Variants in DPP6 observed in about 807,000 individuals in gnomAD.
DPP6 encodes A-type potassium channel modulatory protein DPP6.
Under a neutral mutation model 122.6 loss-of-function variants are expected in DPP6, and 69 were observed. The observed-to-expected ratio is 0.56, with a 90% CI of 0.46 to 0.69. DPP6 has a LOEUF of 0.69. Among genes scored for constraint, DPP6 ranks in the 30% least tolerant of loss-of-function variants. The pLI is 0.00. For missense variants in DPP6, 928 were observed against 1,116.9 expected, an observed-to-expected ratio of 0.83 and a Z score of 2.41; for synonymous variants, 418 against 433.1, an observed-to-expected ratio of 0.97 and a Z score of 0.43.
intron 6 of DPP6, among the ~76,000 whole-genome samples, chr7:154,667,465 C>T (rs551288913): frequency 3.3e-5 from 5 of 152,318 alleles, no homozygotes; most frequent in East Asian, 1.9e-4. Context: ...CAGTGGCTCA[C>T]GCCTGTAATT....
intron 6 of DPP6, among the ~76,000 whole-genome samples, chr7:154,659,854 C>A (rs1837501138): frequency 6.6e-6 from 1 of 152,194 alleles, no homozygotes; most frequent in East Asian, 1.9e-4. Context: ...AAACAATTAC[C>A]TCTTTGGACT....
At chr7:154,310,169 G>A in intron 1 of DPP6, among the ~76,000 whole-genome samples, 1 of 152,294 alleles carries the variant, frequency 6.6e-6, no homozygotes, top group Admixed American at 6.5e-5. Context: ...CACCAGAGTG[G>A]GTCCTTGAGC....
At chr7:153,888,705 C>CTTTTTTTTTTTTTTTTTTTTTTT (rs142238331) in intron 1 of DPP6, among the ~76,000 whole-genome samples, 1 of 77,002 alleles carries the variant, frequency 1.3e-5, no homozygotes, top group Non-Finnish European at 2.5e-5. Flanking sequence ...CTGGCTGGCA[C>CTTTTTTTTTTTTTTTTTTTTTTT]TTTTTTTTTT....
intron 4 of DPP6, among the ~76,000 whole-genome samples, chr7:154,562,834 T>G (rs542061166): frequency 1.3e-5 from 2 of 152,298 alleles, no homozygotes; most frequent in South Asian, 4.1e-4. Context: ...TACTTTTATA[T>G]GTACAAAGCA....
chr7:154,679,509 T>C (rs1839151152), intron 7 of DPP6, among the ~76,000 whole-genome samples: 1 of 152,132 alleles, frequency 6.6e-6, no homozygotes, highest in African/African-American at 2.4e-5. Context: ...CGTCGCCTCC[T>C]CCTACAAGTT....
the DPP6 span, among the ~76,000 whole-genome samples, chr7:153,824,705 A>G: frequency 6.6e-6 from 1 of 152,160 alleles, no homozygotes; most frequent in East Asian, 1.9e-4. Context: ...AAAAATAAAA[A>G]AAAAAAGATG....
chr7:154,378,975 C>A (rs1563572634), intron 1 of DPP6, among the ~76,000 whole-genome samples: 2 of 152,190 alleles, frequency 1.3e-5, no homozygotes, highest in African/African-American at 4.8e-5. Flanking sequence ...CCCACCAAGT[C>A]CCTCCCTCAA....
At chr7:154,578,878 C>A (rs938636609) in intron 5 of DPP6, among the ~76,000 whole-genome samples, 1 of 152,114 alleles carries the variant, frequency 6.6e-6, no homozygotes, top group Non-Finnish European at 1.5e-5. Context: ...AATGGCACTG[C>A]AATCTGCTGT....
intron 8 of DPP6, among the ~76,000 whole-genome samples, chr7:154,766,442 G>A (rs900997121): frequency 2.6e-5 from 4 of 152,162 alleles, no homozygotes; most frequent in African/African-American, 7.2e-5. Flanking sequence ...AGCCTCCCGA[G>A]TAGCTGGGAT....
chr7:154,193,872 T>A (rs1798733461), intron 1 of DPP6, among the ~76,000 whole-genome samples: 1 of 152,082 alleles, frequency 6.6e-6, no homozygotes. Context: ...CACCCTGGGA[T>A]GCGCTCACCA....
chr7:153,785,835 C>T, the DPP6 span, among the ~76,000 whole-genome samples: 3 of 150,714 alleles, frequency 2.0e-5, no homozygotes, highest in Non-Finnish European at 3.0e-5. Flanking sequence ...TTCCTTTTTT[C>T]GTTTTTAGAG....
chr7:154,536,297 G>A (rs1166162360), intron 3 of DPP6, among the ~76,000 whole-genome samples: 1 of 152,140 alleles, frequency 6.6e-6, no homozygotes, highest in Non-Finnish European at 1.5e-5. Context: ...TGATGGAATA[G>A]ATGATCCACA....
chr7:154,212,020 G>A (rs565910872), intron 1 of DPP6, among the ~76,000 whole-genome samples: 5 of 152,242 alleles, frequency 3.3e-5, no homozygotes, highest in Admixed American at 2.0e-4. Flanking sequence ...ACTGGGCATC[G>A]GGGACAGGCA....
chr7:154,671,169 AT>A (rs1365138277), intron 7 of DPP6, among the ~76,000 whole-genome samples: 2 of 152,230 alleles, frequency 1.3e-5, no homozygotes, highest in Non-Finnish European at 2.9e-5. Context: ...TGAATCTCTA[AT>A]AGTTGACTTT....
chr7:153,855,359 A>C, the DPP6 span, among the ~76,000 whole-genome samples: 1 of 152,202 alleles, frequency 6.6e-6, no homozygotes, highest in African/African-American at 2.4e-5. Context: ...TAACTTATAC[A>C]AACAAGGGAG....
chr7:154,817,379 A>G (rs1385272543), intron 16 of DPP6, among the ~76,000 whole-genome samples: 1 of 152,178 alleles, frequency 6.6e-6, no homozygotes, highest in African/African-American at 2.4e-5. Context: ...CACAAAAGTC[A>G]TGATGTCATT....
intron 6 of DPP6, among the ~76,000 whole-genome samples, chr7:154,642,682 T>TA (rs1836183887): frequency 6.6e-6 from 1 of 152,108 alleles, no homozygotes; most frequent in Non-Finnish European, 1.5e-5. Flanking sequence ...CTCACGCCTG[T>TA]AATCCCAGCA....
the DPP6 span, among the ~76,000 whole-genome samples, chr7:153,826,587 C>T: frequency 6.6e-6 from 1 of 152,122 alleles, no homozygotes; most frequent in East Asian, 1.9e-4. Flanking sequence ...CAAAAGGTTT[C>T]TGCTAATATC....
In DPP6 at chr7:154,487,491, C is replaced by T. The variant is rs73497287; in HGVS notation, c.457+12454C>T. On this transcript the variant is annotated intron_variant, in intron 3 of 25. Coordinates refer to ENST00000377770, the MANE Select transcript of DPP6 (RefSeq NM_130797.4). ...GGGCAGGCGGTTTTCTGCCTGGCAA[C>T]GCAGCTCAGCCCCAGCAGCCCACAG... Among the ~76,000 whole-genome samples, 1,025 of 152,252 alleles carry T rather than the reference C, an allele frequency of 6.7e-3. 10 individuals are homozygous for T. Among genetic ancestry groups the T allele is most frequent in the African/African-American group, 0.023 (947 of 41,538 alleles).
Sources: gnomAD v4.1 joint callset for allele counts (sites outside exome capture counted in the v4.1 genomes callset) on GRCh38, gnomAD v4.1.1 for gene constraint, MANE v1.5 for transcripts, NCBI Gene and HGNC (gene_info 2026-07-23, HGNC 2026-07-21) for gene names.